The following C10orf90 variants were observed in gnomAD, a reference collection of about 807,000 sequenced individuals.
C10orf90 encodes chromosome 10 open reading frame 90.
In C10orf90, 56 loss-of-function variants were observed where a neutral mutation model predicts 62.5. The observed-to-expected ratio is 0.90, with a 90% CI of 0.72 to 1.12. The LOEUF is 1.12. C10orf90 is among the 50% of genes most tolerant of loss of function. The pLI is 0.00. For synonymous variants in C10orf90, 386 were observed against 340.4 expected (o/e 1.13, Z -1.47); for missense variants, 970 against 880.4 (o/e 1.10, Z -1.29).
chr10:126,668,350 A>G (rs1846675369), intron 1 of C10orf90, among the ~76,000 whole-genome samples: 1 of 152,180 alleles, frequency 6.6e-6, no homozygotes, highest in South Asian at 2.1e-4. Flanking sequence ...CAGGTTAACC[A>G]ATGGCCTTGG....
At chr10:126,605,394 G>A (rs1333844555) in intron 2 of C10orf90, among the ~76,000 whole-genome samples, 1 of 152,210 alleles carries the variant, frequency 6.6e-6, no homozygotes, top group Non-Finnish European at 1.5e-5. Flanking sequence ...AGCCCTGCCA[G>A]GTGCAAAAGG....
chr10:126,653,368 A>G (rs1846329434), intron 1 of C10orf90, among the ~76,000 whole-genome samples: 1 of 152,242 alleles, frequency 6.6e-6, no homozygotes, highest in Non-Finnish European at 1.5e-5. Context: ...AAATTTATAG[A>G]ATATTCTAAG....
rs375160109 is a variant in C10orf90, at chr10:126,499,261, A to G, written c.1534+4696T>C. On this transcript the variant is annotated intron_variant, in intron 4 of 9. Transcript: ENST00000488181. ...TGACTCAATGGCAGGCCCCATCTCC[A>G]CTGCCACTATCAAAGGTGGTATCTG... is the stretch of plus-strand genomic sequence containing the variant. 2.8e-4 allele frequency among the ~76,000 whole-genome samples: 43 copies of G among 152,290 alleles called. No individual in the cohort carries two copies. The East Asian group carries it at 7.7e-3, about 27-fold the overall frequency.
intron 2 of C10orf90, among the ~76,000 whole-genome samples, chr10:126,584,488 C>T (rs1591121161): frequency 6.6e-6 from 1 of 152,266 alleles, no homozygotes. Context: ...GTTCAACAGG[C>T]ACCATGAGCA....
chr10:126,622,057 T>C (rs143674455), intron 2 of C10orf90, among the ~76,000 whole-genome samples: 1 of 152,102 alleles, frequency 6.6e-6, no homozygotes, highest in African/African-American at 2.4e-5. Context: ...CCTCCTCCCA[T>C]TTTCTCCTAG....
At chr10:126,561,474 C>T (rs1251134408) in intron 2 of C10orf90, among the ~76,000 whole-genome samples, 1 of 152,154 alleles carries the variant, frequency 6.6e-6, no homozygotes, top group Non-Finnish European at 1.5e-5. Flanking sequence ...TAGGCAATTA[C>T]ATTTTATCAC....
chr10:126,517,896 G>A (rs1295153065), intron 2 of C10orf90, among the ~76,000 whole-genome samples: 2 of 120,760 alleles, frequency 1.7e-5, no homozygotes, highest in African/African-American at 3.2e-5. Flanking sequence ...GCAACACAGT[G>A]AGACTCCATC....
intron 2 of C10orf90, among the ~76,000 whole-genome samples, chr10:126,516,694 G>A (rs902863050): frequency 6.6e-6 from 1 of 152,230 alleles, no homozygotes; most frequent in East Asian, 1.9e-4. Flanking sequence ...GCCTGTGGCT[G>A]CTGCGACAAA....
At chr10:126,614,545 G>A (rs1484480180) in intron 2 of C10orf90, among the ~76,000 whole-genome samples, 2 of 152,152 alleles carry the variant, frequency 1.3e-5, no homozygotes, top group Non-Finnish European at 2.9e-5. Context: ...GAGGTGCCAT[G>A]TGGGGGTGGA....
chr10:126,602,350 G>T (rs1845214001), intron 2 of C10orf90, among the ~76,000 whole-genome samples: 1 of 152,164 alleles, frequency 6.6e-6, no homozygotes, highest in Non-Finnish European at 1.5e-5. Flanking sequence ...CTCTGACCTG[G>T]GCCTCTAGCT....
intron 7 of C10orf90, 118 bp from the exon 8 acceptor site, chr10:126,429,968 A>T (rs1399238599): frequency 9.0e-6 from 8 of 892,036 alleles, no homozygotes; most frequent in Non-Finnish European, 1.4e-5. Flanking sequence ...CCATATCCTG[A>T]GTCTAAGCAG....
intron 2 of C10orf90, among the ~76,000 whole-genome samples, chr10:126,530,237 C>T (rs59969002): frequency 0.092 from 13,912 of 150,648 alleles, 811 homozygotes; most frequent in South Asian, 0.2. Flanking sequence ...AAAAAGCAAA[C>T]CAAAATAAGA....
intron 2 of C10orf90, among the ~76,000 whole-genome samples, chr10:126,640,972 G>A (rs1436310830): frequency 2.0e-5 from 3 of 152,184 alleles, no homozygotes; most frequent in African/African-American, 7.2e-5. Context: ...ATGGGAAGGA[G>A]GCAGATGGAG....
chr10:126,507,004 A>T (rs966600517), intron 3 of C10orf90, among the ~76,000 whole-genome samples: 12 of 152,038 alleles, frequency 7.9e-5, no homozygotes, highest in Non-Finnish European at 1.6e-4. Context: ...AGGCATGGGA[A>T]GATGGTTGGC....
At chr10:126,441,246 A>G (rs1564793856) in intron 7 of C10orf90, among the ~76,000 whole-genome samples, 1 of 152,164 alleles carries the variant, frequency 6.6e-6, no homozygotes, top group Non-Finnish European at 1.5e-5. Context: ...AATGCTCTGG[A>G]AAGTCTCAGC....
chr10:126,441,889 A>G (rs1858351599), intron 7 of C10orf90, among the ~76,000 whole-genome samples: 1 of 152,200 alleles, frequency 6.6e-6, no homozygotes, highest in South Asian at 2.1e-4. Context: ...AGTGCTCTAA[A>G]TCATGAAACA....
At chr10:126,427,630 A>G (rs1231373928) in intron 8 of C10orf90, among the ~76,000 whole-genome samples, 1 of 152,120 alleles carries the variant, frequency 6.6e-6, no homozygotes, top group African/African-American at 2.4e-5. Flanking sequence ...TTCTTTTTCC[A>G]TGCTAGATGC....
At chr10:126,485,999 T>A (rs181059478) in intron 4 of C10orf90, among the ~76,000 whole-genome samples, 1 of 151,456 alleles carries the variant, frequency 6.6e-6, no homozygotes. Context: ...TAAAAATATA[T>A]GGCTCAGCTG....
intron 1 of C10orf90, among the ~76,000 whole-genome samples, chr10:126,666,442 G>A (rs1439123825): frequency 6.6e-6 from 1 of 152,070 alleles, no homozygotes; most frequent in Non-Finnish European, 1.5e-5. Flanking sequence ...ATAATCAGGA[G>A]GAAAATCAAT....
Sources: gnomAD v4.1 joint callset for allele counts (sites outside exome capture counted in the v4.1 genomes callset) on GRCh38, gnomAD v4.1.1 for gene constraint, MANE v1.5 for transcripts, NCBI Gene and HGNC (gene_info 2026-07-23, HGNC 2026-07-21) for gene names.